The following SRCIN1 variants were observed in gnomAD, a reference collection of about 807,000 sequenced individuals.
The protein encoded by SRCIN1 is SRC kinase signaling inhibitor 1, also known as P130Cas-associated protein.
Under a neutral mutation model 116.2 loss-of-function variants are expected in SRCIN1, and 50 were observed. The ratio of observed to expected loss-of-function variants is 0.43; its 90% CI spans 0.34 to 0.54. The LOEUF is 0.54. Ranked by LOEUF, SRCIN1 falls within the 20% of genes least tolerant of loss-of-function variation. The pLI is 0.02. For missense variants in SRCIN1, 1,446 were observed against 1,672.0 expected (o/e 0.86, Z 2.36); for synonymous variants, 736 against 750.0 (o/e 0.98, Z 0.30).
At chr17:38,603,430 G>T (rs567162670) in intron 1 of SRCIN1, among the ~76,000 whole-genome samples, 1 of 152,006 alleles carries the variant, frequency 6.6e-6, no homozygotes, top group African/African-American at 2.4e-5. Flanking sequence ...TCATTCGAGC[G>T]ACCCTTCCCC....
In SRCIN1 at chr17:38,563,892, GAAGC is replaced by G; in HGVS notation, c.541+222_541+225del. ...GGGATGAAAGAAAGGGACAGAAAAG[GAAGC>G]AAGAGGGAGAGAGGAGGCTTGGAGG... On this transcript the variant is annotated intron_variant, in intron 4 of 18. Transcript: ENST00000617146. This position sits in a 1 kb window ranked among gnomAD's most constrained non-coding sequence, Gnocchi z 5.8. 3 of 614,084 alleles carry G rather than the reference GAAGC, an allele frequency of 4.9e-6. No individual in the cohort carries two copies. Among genetic ancestry groups the G allele is most frequent in the Non-Finnish European group, 8.6e-6 (3 of 348,354 alleles). 38.0% of individuals were successfully genotyped at this position (614,084 alleles called of 1,614,324 possible).
At chr17:38,598,113 C>A (rs534834337) in intron 1 of SRCIN1, among the ~76,000 whole-genome samples, 11 of 152,202 alleles carry the variant, frequency 7.2e-5, no homozygotes, top group Non-Finnish European at 1.6e-4. Context: ...CTGGGGTGGA[C>A]AAAGTGAGAG....
At chr17:38,537,240 C>T (rs1282796986) in intron 18 of SRCIN1, among the ~76,000 whole-genome samples, 3 of 151,980 alleles carry the variant, frequency 2.0e-5, no homozygotes, top group African/African-American at 7.3e-5. Context: ...GTGGCTCATG[C>T]CTGTAATCCC....
intron 15 of SRCIN1, 103 bp downstream of exon 15, chr17:38,551,052 C>A: frequency 5.1e-6 from 3 of 592,548 alleles, no homozygotes; most frequent in Non-Finnish European, 3.0e-6. Flanking sequence ...GGCAGCCCAA[C>A]CACAATGATC....
At position 38,544,068 on chromosome 17, in the gene SRCIN1, C is replaced by T; in HGVS notation, c.3271-99G>A. Reference sequence around the variant, plus strand: ...TGGGGTCTCGGGGCTGGGACCTCCTCAGTGGGGCCCTTTGAGACCTGGAGA... The same window carrying T: ...TGGGGTCTCGGGGCTGGGACCTCCTTAGTGGGGCCCTTTGAGACCTGGAGA... On this transcript the variant is annotated intron_variant, in intron 17 of 18. Transcript: ENST00000617146. This position sits in a 1 kb window ranked among gnomAD's most constrained non-coding sequence, Gnocchi z 4.5. The T allele has an allele frequency of 7.1e-7, 1 of 1,401,304 alleles. No individual in the cohort carries two copies. Among genetic ancestry groups the T allele is most frequent in the South Asian group, 1.4e-5 (1 of 69,342 alleles). The allele number at this position is 1,401,304 out of a possible 1,614,324, so 86.8% of individuals were successfully genotyped here. A position where few individuals can be genotyped will look rare whatever the true frequency, so the allele number is the denominator to read the frequency against.
intron 1 of SRCIN1, among the ~76,000 whole-genome samples, chr17:38,595,720 C>T (rs1908692750): frequency 6.6e-6 from 1 of 152,208 alleles, no homozygotes; most frequent in Non-Finnish European, 1.5e-5. Context: ...CTCCCCAGGC[C>T]ACAAGCCCCC....
chr17:38,604,681 A>C lies in SRCIN1; in HGVS notation c.22+1003T>G. 1 of 364,944 alleles carries C rather than the reference A, an allele frequency of 2.7e-6. No individual in the cohort carries two copies. Among genetic ancestry groups the C allele is most frequent in the Non-Finnish European group, 5.4e-6 (1 of 184,048 alleles). 22.6% of individuals were successfully genotyped at this position (364,944 alleles called of 1,614,324 possible). ...GCCCTGACAGCTGAGCTGCGGAGGC[A>C]CCCGGCCTGTCCCCTCTGCTTCCAC... is the stretch of plus-strand genomic sequence containing the variant. On this transcript the variant is annotated intron_variant, in intron 1 of 18. Coordinates refer to ENST00000617146, the MANE Select transcript of SRCIN1 (RefSeq NM_025248.3). This position sits in a 1 kb window ranked among gnomAD's most constrained non-coding sequence, Gnocchi z 4.3.
upstream of SRCIN1, among the ~76,000 whole-genome samples, chr17:38,606,454 C>T (rs978053038): frequency 5.3e-5 from 8 of 152,134 alleles, no homozygotes; most frequent in Non-Finnish European, 8.8e-5. The surrounding 1 kb of genome is among the most constrained non-coding windows in gnomAD (Gnocchi z 5.2). Context: ...TTCTGCCTCG[C>T]GACCCCTCAC....
Position 38,578,659 on chromosome 17 carries a change from G to C in SRCIN1, c.155C>G (p.Thr52Arg), listed in dbSNP as rs764291329. The change falls in exon 2 of 19, where the codon ACG (threonine) becomes AGG (arginine). Residue 52 changes from threonine (T) to arginine (R), a missense_variant. This residue lies in a region of SRCIN1 where 246 missense variants were observed against 265.1 expected (regional missense o/e 0.93). Transcript: ENST00000617146. Reference sequence around the variant, plus strand: ...GATCACCGTGTGCCGCCGCTCGGACGTGTGCACCAGCCCCACGTTGGAGAA... The same window carrying C: ...GATCACCGTGTGCCGCCGCTCGGACCTGTGCACCAGCCCCACGTTGGAGAA... The part of the protein sequence containing the change: ...RRFSNVGLVH[T>R]SERRHTVIAA... The C allele has an allele frequency of 3.2e-6, 5 of 1,577,450 alleles. No individual in the cohort carries two copies. In the Admixed American group the frequency reaches 5.4e-5, roughly 17 times the overall value.
intron 2 of SRCIN1, among the ~76,000 whole-genome samples, chr17:38,570,362 C>T (rs189891486): frequency 1.3e-5 from 2 of 152,292 alleles, no homozygotes; most frequent in African/African-American, 4.8e-5. Context: ...TCACACTCAC[C>T]CTCAAAACAC....
rs1352905616 is a variant in SRCIN1 at position 38,531,841 on chromosome 17, G to C, written c.*1456C>G. On this transcript the variant is annotated 3_prime_UTR_variant, in exon 19 of 19. Coordinates refer to ENST00000617146, the MANE Select transcript of SRCIN1 (RefSeq NM_025248.3). ...GCCTTCTGCGCAGCTCCTCCTTTCT[G>C]TGCTTGCTATGGGGGACTGATTCTA... 1 of 152,604 alleles carries C rather than the reference G, an allele frequency of 6.6e-6. No homozygotes were observed. The allele number at this position is 152,604 out of a possible 1,614,324, so 9.5% of individuals were successfully genotyped here.
intron 10 of SRCIN1, chr17:38,559,287 G>A (rs1906032953): frequency 1.9e-6 from 1 of 513,606 alleles, no homozygotes; most frequent in Non-Finnish European, 3.4e-6. Flanking sequence ...GGCTCAGTGG[G>A]TGACTGGGGC....
In SRCIN1 at chr17:38,602,691, T is replaced by C. The variant is rs1216649922; in HGVS notation, c.22+2993A>G. The C allele has an allele frequency of 6.6e-6, 1 of 152,238 alleles. No individual in the cohort carries two copies. The highest frequency in any genetic ancestry group is 1.5e-5 in the Non-Finnish European group (1 of 68,032). The allele number at this position is 152,238 out of a possible 1,614,324, so 9.4% of individuals were successfully genotyped here. On this transcript the variant is annotated intron_variant, in intron 1 of 18. Transcript: ENST00000617146. This position sits in a 1 kb window ranked among gnomAD's most constrained non-coding sequence, Gnocchi z 4.2. ...CTTGCCAGGGCTTGGAGGAGATAAA[T>C]GCTTGAGATTCCTCGAAAGAGCAGC...
intron 1 of SRCIN1, among the ~76,000 whole-genome samples, chr17:38,601,394 C>T (rs1360248300): frequency 6.6e-6 from 1 of 152,130 alleles, no homozygotes; most frequent in East Asian, 1.9e-4. Context: ...CCTCCCTTAC[C>T]GCCTCTGCAC....
intron 18 of SRCIN1, among the ~76,000 whole-genome samples, chr17:38,536,142 G>A (rs778986744): frequency 2.6e-5 from 4 of 152,148 alleles, no homozygotes; most frequent in Non-Finnish European, 5.9e-5. Flanking sequence ...GCTTCTTCAT[G>A]GAGACCACTT....
chr17:38,561,399 T>G (rs1906228472), intron 7 of SRCIN1, 64 bp downstream of exon 7: 2 of 1,430,818 alleles, frequency 1.4e-6, no homozygotes. Context: ...CGGACTCTGC[T>G]GTGAACCCTC....
chr17:38,597,577 G>A (rs1432117247), intron 1 of SRCIN1, among the ~76,000 whole-genome samples: 2 of 152,196 alleles, frequency 1.3e-5, no homozygotes, highest in Admixed American at 1.3e-4. Context: ...TTGATCTACA[G>A]AGACAGAAAC....
rs1312497732 is a variant in SRCIN1 at position 38,543,957 on chromosome 17, T to C, written c.3283A>G (p.Ser1095Gly). The C allele has an allele frequency of 1.3e-6, 2 of 1,581,722 alleles. No homozygotes were observed. Among genetic ancestry groups the C allele is most frequent in the East Asian group, 2.3e-5 (1 of 43,880 alleles). Reference sequence around the variant, plus strand: ...GTCACCACCTTCATGGGTGGTACACTGCCTCCGCCACTCTGCAGGAAGAGG... The same window carrying C: ...GTCACCACCTTCATGGGTGGTACACCGCCTCCGCCACTCTGCAGGAAGAGG... ...IIAELESGGG[S>G]VPPMKVVTPG... is the part of the protein sequence containing the mutation. Residue 1095 changes from serine (S) to glycine (G), a missense_variant, in exon 18 of 19, where the codon AGT becomes GGT. Physicochemically the swap from Ser to Gly is moderately conservative, Grantham distance 56 (BLOSUM62 0). Around this residue, in one of 5 missense-constraint regions of SRCIN1, gnomAD observed 531 missense variants for 633.9 expected, o/e 0.84. Transcript: ENST00000617146.
intron 1 of SRCIN1, among the ~76,000 whole-genome samples, chr17:38,598,435 T>TC (rs34536287): frequency 2.6e-5 from 4 of 151,624 alleles, no homozygotes; most frequent in Admixed American, 6.6e-5. Flanking sequence ...GCAGAACACG[T>TC]CCCCCCCGCA....
Sources: allele counts gnomAD v4.1 joint callset (sites outside exome capture counted in the v4.1 genomes callset), GRCh38; gene constraint gnomAD v4.1.1; regional missense constraint gnomAD v4.1.1; non-coding constraint Gnocchi (gnomAD v3.1); transcripts MANE v1.5; gene names NCBI Gene and HGNC (gene_info 2026-07-23, HGNC 2026-07-21).